The following PRKCE variants were observed in gnomAD, a reference collection of about 807,000 sequenced individuals.
PRKCE encodes the protein protein kinase C epsilon type.
Under a neutral mutation model 85.4 loss-of-function variants are expected in PRKCE, and 16 were observed. That is an observed-to-expected ratio of 0.19 (90% CI 0.13 to 0.28). The LOEUF (loss-of-function observed/expected upper bound fraction) is 0.28. Among genes scored for constraint, PRKCE ranks in the 10% least tolerant of loss-of-function variants. The pLI, the probability that PRKCE is intolerant of heterozygous loss-of-function variation, is 1.00. For synonymous variants in PRKCE, 388 were observed against 371.5 expected (o/e 1.04, Z -0.51); for missense variants, 573 against 975.2 (o/e 0.59, Z 5.49).
chr2:45,913,480 C>T (rs931600900), intron 2 of PRKCE, among the ~76,000 whole-genome samples: 3 of 152,192 alleles, frequency 2.0e-5, no homozygotes, highest in East Asian at 1.9e-4. Flanking sequence ...GGTACAGACT[C>T]CCTGCTCAGT....
intron 6 of PRKCE, among the ~76,000 whole-genome samples, chr2:45,996,169 G>A (rs961594377): frequency 1.3e-5 from 2 of 152,042 alleles, no homozygotes; most frequent in African/African-American, 2.4e-5. Context: ...TTCATTGCTG[G>A]TGTATAGGAA....
chr2:45,651,872 C>T lies in PRKCE; in HGVS notation c.-229C>T, dbSNP rs1675141383. ...AGACTTGCTCCAAACACGGACATCC[C>T]CCAGCTCTCCCCCCTCCCTGTTTTC... On this transcript the variant is annotated 5_prime_UTR_variant, in exon 1 of 15. Coordinates refer to ENST00000306156, the MANE Select transcript of PRKCE (RefSeq NM_005400.3). 2 of 467,080 alleles carry T rather than the reference C, an allele frequency of 4.3e-6. No homozygotes were observed. The highest frequency in any genetic ancestry group is 7.6e-6 in the Non-Finnish European group (2 of 263,524). The allele number at this position is 467,080 out of a possible 1,614,324, so 28.9% of individuals were successfully genotyped here. A position where few individuals can be genotyped will look rare whatever the true frequency, so the allele number is the denominator to read the frequency against.
Position 45,941,065 on chromosome 2 carries a change from TAA to T in PRKCE, c.413-35343_413-35342del, listed in dbSNP as rs397781944. Among the ~76,000 whole-genome samples, 150 of 67,156 alleles carry T rather than the reference TAA, an allele frequency of 2.2e-3. 1 individual carries two copies. Among genetic ancestry groups the T allele is most frequent in the African/African-American group, 7.6e-3 (127 of 16,714 alleles). 44.1% of individuals were successfully genotyped at this position (67,156 alleles called of 152,430 possible). ...TGGGTGACAGAGTGAGACTTCATCC[TAA>T]AAAAAAAAAAAAAAAAAAAAGATGA... On this transcript the variant is annotated intron_variant, in intron 2 of 14. Transcript: ENST00000306156.
chr2:45,867,846 C>T (rs575732784), intron 2 of PRKCE, among the ~76,000 whole-genome samples: 32 of 152,276 alleles, frequency 2.1e-4, no homozygotes, highest in African/African-American at 7.5e-4. Flanking sequence ...CCTGATGGAG[C>T]TGTTGTTTGG....
intron 1 of PRKCE, among the ~76,000 whole-genome samples, chr2:45,827,402 T>A (rs1403226797): frequency 6.6e-6 from 1 of 152,236 alleles, no homozygotes; most frequent in African/African-American, 2.4e-5. Flanking sequence ...TGCTGTGTGC[T>A]TCAGGAAATA....
At chr2:46,131,884 T>A (rs1301464995) in intron 11 of PRKCE, among the ~76,000 whole-genome samples, 2 of 152,224 alleles carry the variant, frequency 1.3e-5, no homozygotes, top group African/African-American at 4.8e-5. Flanking sequence ...AGTTACTTTC[T>A]TTACTAAAGC....
At chr2:45,996,543 T>C (rs912588086) in intron 6 of PRKCE, among the ~76,000 whole-genome samples, 1 of 152,186 alleles carries the variant, frequency 6.6e-6, no homozygotes, top group South Asian at 2.1e-4. Flanking sequence ...TTATCATAAA[T>C]AGGTTTGGAT....
chr2:45,935,818 C>A (rs1699406897), intron 2 of PRKCE, among the ~76,000 whole-genome samples: 2 of 151,310 alleles, frequency 1.3e-5, no homozygotes, highest in South Asian at 4.2e-4. Context: ...TAGCTGAATT[C>A]TTGATAGAAG....
intron 11 of PRKCE, among the ~76,000 whole-genome samples, chr2:46,097,629 C>G (rs1670834744): frequency 6.6e-6 from 1 of 152,178 alleles, no homozygotes; most frequent in African/African-American, 2.4e-5. Context: ...AGCCCTGGTC[C>G]CTATGTGACC....
In PRKCE at chr2:45,953,981, C is replaced by T. The variant is rs115254587; in HGVS notation, c.413-22448C>T. ...AAAGCTGTCTATTTTCCTAAGACAA[C>T]ATAAGCTGCCCTTCCCTACTGCAAT... On this transcript the variant is annotated intron_variant, in intron 2 of 14. Transcript: ENST00000306156. Among the ~76,000 whole-genome samples, 769 of 152,256 alleles carry T rather than the reference C, an allele frequency of 5.1e-3. 7 individuals carry two copies. Among genetic ancestry groups the T allele is most frequent in the African/African-American group, 0.018 (731 of 41,558 alleles).
At chr2:46,035,245 T>G (rs1053148073) in intron 10 of PRKCE, among the ~76,000 whole-genome samples, 1 of 152,246 alleles carries the variant, frequency 6.6e-6, no homozygotes, top group African/African-American at 2.4e-5. Context: ...ATTTCTTTGA[T>G]ACCTCTAGAG....
chr2:45,943,948 C>T (rs1700059760), intron 2 of PRKCE, among the ~76,000 whole-genome samples: 1 of 152,294 alleles, frequency 6.6e-6, no homozygotes, highest in South Asian at 2.1e-4. Context: ...GGTCCACTCA[C>T]GTGGTTTTAC....
chr2:46,010,592 C>A (rs748834255), intron 10 of PRKCE, 75 bp downstream of exon 10: 2 of 1,598,580 alleles, frequency 1.3e-6, no homozygotes, highest in Non-Finnish European at 1.7e-6. Context: ...ATTTTAGACC[C>A]TCTACATTGT....
intron 2 of PRKCE, among the ~76,000 whole-genome samples, chr2:45,882,919 C>T (rs756917740): frequency 2.6e-5 from 4 of 152,222 alleles, no homozygotes; most frequent in African/African-American, 4.8e-5. Context: ...TAAAGCTGGC[C>T]GCTGCTTCGG....
chr2:45,721,257 G>C (rs1397432169), intron 1 of PRKCE, among the ~76,000 whole-genome samples: 1 of 152,176 alleles, frequency 6.6e-6, no homozygotes, highest in Non-Finnish European at 1.5e-5. Flanking sequence ...TGCTAGTTAA[G>C]AGGCAGAGCT....
At chr2:45,679,042 A>G (rs907639712) in intron 1 of PRKCE, among the ~76,000 whole-genome samples, 1 of 152,216 alleles carries the variant, frequency 6.6e-6, no homozygotes, top group African/African-American at 2.4e-5. Context: ...CCCAACTTCT[A>G]CATGGCTGAC....
intron 1 of PRKCE, among the ~76,000 whole-genome samples, chr2:45,773,839 T>C (rs1006422282): frequency 6.6e-6 from 1 of 152,156 alleles, no homozygotes; most frequent in African/African-American, 2.4e-5. Flanking sequence ...CCACGAAGTA[T>C]ACCCTGGGGC....
At chr2:46,082,026 C>T (rs896505819) in intron 10 of PRKCE, among the ~76,000 whole-genome samples, 9 of 151,926 alleles carry the variant, frequency 5.9e-5, no homozygotes, top group East Asian at 1.9e-4. Context: ...ACCTGGGAGG[C>T]GAGGTTGCAG....
intron 1 of PRKCE, among the ~76,000 whole-genome samples, chr2:45,757,512 A>G (rs1402705788): frequency 6.6e-6 from 1 of 151,728 alleles, no homozygotes; most frequent in Non-Finnish European, 1.5e-5. Context: ...ACAAAAAATA[A>G]TAAAATTAGC....
Sources: allele counts gnomAD v4.1 joint callset (sites outside exome capture counted in the v4.1 genomes callset), GRCh38; gene constraint gnomAD v4.1.1; transcripts MANE v1.5; gene names NCBI Gene and HGNC (gene_info 2026-07-23, HGNC 2026-07-21).